LRRC7: variants seen among roughly 807,000 people sequenced by gnomAD.
The protein encoded by LRRC7 is leucine rich repeat containing 7.
A neutral mutation model predicts 175.7 loss-of-function variants in LRRC7; 23 were observed. That is an observed-to-expected ratio of 0.13 (90% CI 0.09 to 0.19). The LOEUF (loss-of-function observed/expected upper bound fraction) is 0.19. Ranked by LOEUF, LRRC7 falls within the 10% of genes least tolerant of loss-of-function variation. The pLI, the probability that LRRC7 is intolerant of heterozygous loss-of-function variation, is 1.00. For synonymous variants in LRRC7, 685 were observed against 680.9 expected, an observed-to-expected ratio of 1.01 and a Z score of -0.09; for missense variants, 1,354 against 1,904.7, an observed-to-expected ratio of 0.71 and a Z score of 5.38.
At chr1:69,593,520 C>T (rs1438237918) in intron 1 of LRRC7, among the ~76,000 whole-genome samples, 1 of 152,108 alleles carries the variant, frequency 6.6e-6, no homozygotes, top group Admixed American at 6.6e-5. Context: ...GTAAGATATA[C>T]TATAAAATAC....
intron 1 of LRRC7, among the ~76,000 whole-genome samples, chr1:69,595,425 C>CA (rs1183819620): frequency 6.6e-6 from 1 of 152,010 alleles, no homozygotes; most frequent in Admixed American, 6.6e-5. Context: ...AAAAAACAAA[C>CA]AAAAAACAAA....
chr1:69,991,352 G>A (rs1001622850), intron 10 of LRRC7, among the ~76,000 whole-genome samples: 1 of 152,026 alleles, frequency 6.6e-6, no homozygotes, highest in Non-Finnish European at 1.5e-5. Flanking sequence ...ATAGGTAGGT[G>A]GTATTATATA....
rs1557640309 is a variant in LRRC7 at position 69,717,762 on chromosome 1, A to AAAGAAAGAAAGAAAGAAAGAAAGAAAG, written c.100+39286_100+39287insGAAAGAAAGAAAGAAAGAAAGAAAGAA. On this transcript the variant is annotated intron_variant, in intron 2 of 26. Coordinates refer to ENST00000651989, the MANE Select transcript of LRRC7 (RefSeq NM_001370785.2). Reference sequence around the variant, plus strand: ...ATTTAAAAGATATTGGAACATGAAAAAAAGAAAAAAAGAAAGAAAGAAAGA... The same window carrying AAAGAAAGAAAGAAAGAAAGAAAGAAAG: ...ATTTAAAAGATATTGGAACATGAAAAAAGAAAGAAAGAAAGAAAGAAAGAAAGAAAGAAAAAAAGAAAGAAAGAAAGA... Among the ~76,000 whole-genome samples the AAAGAAAGAAAGAAAGAAAGAAAGAAAG allele has an allele frequency of 2.0e-4, 8 of 40,836 alleles. 2 individuals carry two copies. The highest frequency in any genetic ancestry group is 8.7e-4 in the African/African-American group (6 of 6,926). The allele number at this position is 40,836 out of a possible 152,430, so 26.8% of individuals were successfully genotyped here.
chr1:70,052,734 AATTTT>A (rs1171812405), intron 22 of LRRC7, among the ~76,000 whole-genome samples: 3 of 152,108 alleles, frequency 2.0e-5, no homozygotes, highest in African/African-American at 7.2e-5. Context: ...ACAATTGGTT[AATTTT>A]ATTCTGATTA....
At position 69,763,342 on chromosome 1, in the gene LRRC7, A is replaced by G. The variant is rs535462254; in HGVS notation, c.303+2949A>G. 3.9e-5 allele frequency among the ~76,000 whole-genome samples: 6 copies of G among 152,184 alleles called. No individual in the cohort carries two copies. In the East Asian group the frequency reaches 9.7e-4, roughly 25 times the overall value. On this transcript the variant is annotated intron_variant, in intron 3 of 26. Transcript: ENST00000651989. Reference sequence around the variant, plus strand: ...TAGAGTTCACCTCCACAGCATCCAAAAACAGAAACATCTGACTCCTTAAAA... The same window carrying G: ...TAGAGTTCACCTCCACAGCATCCAAGAACAGAAACATCTGACTCCTTAAAA...
chr1:70,014,376 T>C (rs571495262), intron 13 of LRRC7, among the ~76,000 whole-genome samples: 1 of 152,006 alleles, frequency 6.6e-6, no homozygotes, highest in South Asian at 2.1e-4. Flanking sequence ...CAGACTTGAG[T>C]TCACCTACAA....
intron 1 of LRRC7, chr1:69,607,677 T>A (rs1254949522): frequency 6.6e-6 from 1 of 152,174 alleles, no homozygotes; most frequent in African/African-American, 2.4e-5. Context: ...CTAGTGTGTG[T>A]GTGTTTACTA....
intron 1 of LRRC7, among the ~76,000 whole-genome samples, chr1:69,598,520 CCTT>C (rs1646931450): frequency 6.6e-6 from 1 of 151,988 alleles, no homozygotes; most frequent in Admixed American, 6.6e-5. Flanking sequence ...TGGCAGAATT[CCTT>C]CTTGCTAGGG....
chr1:69,717,886 AAGAGGAGGGAGG>A (rs1665727312), intron 2 of LRRC7, among the ~76,000 whole-genome samples: 1 of 134,470 alleles, frequency 7.4e-6, no homozygotes, highest in African/African-American at 2.9e-5. Flanking sequence ...AAGAGAGAAA[AAGAGGAGGGAGG>A]GAAGGAGGGA....
chr1:69,842,747 G>C (rs1681872322), intron 7 of LRRC7, among the ~76,000 whole-genome samples: 1 of 152,100 alleles, frequency 6.6e-6, no homozygotes, highest in South Asian at 2.1e-4. Context: ...ACCCTTCTGA[G>C]AATCTGAAAA....
rs183987639 is a variant in LRRC7, at chr1:69,647,470, G to A, written c.3-30911G>A. Among the ~76,000 whole-genome samples the A allele has an allele frequency of 6.6e-5, 10 of 152,210 alleles. No homozygotes were observed. The East Asian group carries it at 1.9e-3, about 29-fold the overall frequency. On this transcript the variant is annotated intron_variant, in intron 1 of 26. Coordinates refer to ENST00000651989, the MANE Select transcript of LRRC7 (RefSeq NM_001370785.2). The stretch of plus-strand genomic sequence containing the variant: ...TTCAGTTCTAGCAACCATCTTTGTG[G>A]ATAAACTGGCCATGATTCTGATTTT...
In LRRC7 at chr1:70,127,238, AAGCCTCTC is replaced by A. The variant is rs1302464571; in HGVS notation, c.*5355_*5362del. ...TTTGCTGTGTTGAGGAACTTTCTCTAAGCCTCTCAGCTTCTTACTGAGACAGGTTCCAA... is the reference window on the plus strand; with the variant it reads ...TTTGCTGTGTTGAGGAACTTTCTCTAAGCTTCTTACTGAGACAGGTTCCAA... On this transcript the variant is annotated 3_prime_UTR_variant, in exon 27 of 27. Coordinates refer to ENST00000651989, the MANE Select transcript of LRRC7 (RefSeq NM_001370785.2). Among the ~76,000 whole-genome samples, 1 of 152,192 alleles carries A rather than the reference AAGCCTCTC, an allele frequency of 6.6e-6. No homozygotes were observed. The highest frequency in any genetic ancestry group is 1.5e-5 in the Non-Finnish European group (1 of 68,028).
At chr1:70,094,437 A>G (rs1664247934) in intron 25 of LRRC7, among the ~76,000 whole-genome samples, 1 of 152,174 alleles carries the variant, frequency 6.6e-6, no homozygotes, top group Non-Finnish European at 1.5e-5. Flanking sequence ...GTAAAATTCC[A>G]AGCCATCGAA....
At chr1:69,898,920 A>T (rs906757068) in intron 7 of LRRC7, among the ~76,000 whole-genome samples, 2 of 152,248 alleles carry the variant, frequency 1.3e-5, no homozygotes, top group Non-Finnish European at 2.9e-5. Context: ...CTGCTGCAAC[A>T]GAGATCGTAT....
intron 13 of LRRC7, chr1:70,014,014 A>G (rs1365290117): frequency 6.6e-6 from 1 of 152,040 alleles, no homozygotes; most frequent in Non-Finnish European, 1.5e-5. Flanking sequence ...ACATAAGGGA[A>G]TAAAACATTT....
chr1:69,989,897 G>C (rs1448146042), intron 10 of LRRC7, among the ~76,000 whole-genome samples: 1 of 152,064 alleles, frequency 6.6e-6, no homozygotes, highest in Non-Finnish European at 1.5e-5. Flanking sequence ...AACAAAAAGA[G>C]CTTATCTACA....
At chr1:69,743,192 A>T (rs1490603367) in intron 2 of LRRC7, among the ~76,000 whole-genome samples, 1 of 152,040 alleles carries the variant, frequency 6.6e-6, no homozygotes, top group African/African-American at 2.4e-5. Flanking sequence ...TTAGTCAGGA[A>T]TGAGCAGGTT....
intron 8 of LRRC7, among the ~76,000 whole-genome samples, chr1:69,969,231 A>G (rs1226300073): frequency 6.6e-6 from 1 of 152,210 alleles, no homozygotes; most frequent in African/African-American, 2.4e-5. Flanking sequence ...CAAAAAACCA[A>G]CGTATACAGG....
chr1:70,101,473 C>T (rs1281166934), intron 25 of LRRC7, among the ~76,000 whole-genome samples: 2 of 152,148 alleles, frequency 1.3e-5, no homozygotes, highest in South Asian at 4.1e-4. Flanking sequence ...CTGTCACAAT[C>T]GTTCACCTTC....
Sources: allele counts gnomAD v4.1 joint callset (sites outside exome capture counted in the v4.1 genomes callset), GRCh38; gene constraint gnomAD v4.1.1; transcripts MANE v1.5; gene names NCBI Gene and HGNC (gene_info 2026-07-23, HGNC 2026-07-21).